The following SIGLEC6 variants were observed in gnomAD, a reference collection of about 807,000 sequenced individuals.
The protein encoded by SIGLEC6 is sialic acid binding Ig like lectin 6, also known as sialic acid-binding Ig-like lectin 6.
Under a neutral mutation model 41.4 loss-of-function variants are expected in SIGLEC6, and 31 were observed. The observed-to-expected ratio is 0.75, with a 90% confidence interval of 0.56 to 1.01. SIGLEC6 has a LOEUF of 1.01. SIGLEC6 is among the 50% of genes least tolerant of loss of function. The pLI is 0.00. For missense variants in SIGLEC6, 555 were observed against 558.6 expected (o/e 0.99, Z 0.06); for synonymous variants, 217 against 231.0 (o/e 0.94, Z 0.55).
Position 51,530,680 on chromosome 19 carries a change from C to A in SIGLEC6, c.706+1G>T, listed in dbSNP as rs1416312641. 6.2e-7 allele frequency: 1 copy of A among 1,613,454 alleles called. No individual in the cohort carries two copies. The highest frequency in any genetic ancestry group is 1.1e-5 in the South Asian group (1 of 91,046). On this transcript the variant is annotated splice_donor_variant, in intron 3 of 7. Coordinates refer to ENST00000425629, the MANE Select transcript of SIGLEC6 (RefSeq NM_001245.7). LOFTEE classifies it high-confidence loss of function. ...CCCGGGCGTCCTGGCCCAGCACTCACAGGAGACATTGAGCTGGATGGTTCT... is the reference window on the plus strand; with the variant it reads ...CCCGGGCGTCCTGGCCCAGCACTCAAAGGAGACATTGAGCTGGATGGTTCT...
At chr19:51,526,223 G>A (rs8101887) in intron 7 of SIGLEC6, among the ~76,000 whole-genome samples, 100,983 of 151,942 alleles carry the variant, frequency 0.66, 33,795 homozygotes, top group Admixed American at 0.72. Context: ...GGCTCACCAC[G>A]GGGCTGTAGT....
rs534259679 is a variant in SIGLEC6, at chr19:51,518,501, G to A, written c.*1581C>T. ...GATTACAGGCAAGTGCCACCACACC[G>A]AGCTAATTTTTGTATTTTAGTAGAG... On this transcript the variant is annotated 3_prime_UTR_variant, in exon 8 of 8. Transcript: ENST00000425629. Among the ~76,000 whole-genome samples the A allele has an allele frequency of 2.0e-4, 30 of 152,092 alleles. No individual in the cohort carries two copies. The highest frequency in any genetic ancestry group is 8.3e-4 in the South Asian group (4 of 4,812).
rs10651662 is a variant in SIGLEC6 at position 51,519,296 on chromosome 19, G to GAAA, written c.*783_*785dup. ...GGAGATACAGCAAGACTCCATCTCA[G>GAAA]AAAAAAAAAAAAAAAAAAAAAGCTA... On this transcript the variant is annotated 3_prime_UTR_variant, in exon 8 of 8. Coordinates refer to ENST00000425629, the MANE Select transcript of SIGLEC6 (RefSeq NM_001245.7). Among the ~76,000 whole-genome samples the GAAA allele has an allele frequency of 0.52, 47,070 of 90,430 alleles. 13,048 individuals are homozygous for GAAA. The highest frequency in any genetic ancestry group is 0.56 in the Non-Finnish European group (28,515 of 50,764). 59.3% of individuals were successfully genotyped at this position (90,430 alleles called of 152,430 possible).
At chr19:51,528,036 C>T (rs1979528611) in intron 6 of SIGLEC6, 124 bp downstream of exon 6, 1 of 959,714 alleles carries the variant, frequency 1.0e-6, no homozygotes, top group East Asian at 2.6e-5. Flanking sequence ...CACTACCCTC[C>T]CTTTCCTCAC....
chr19:51,531,058 T>A (rs1481666303), intron 2 of SIGLEC6, 99 bp from the exon 3 acceptor site: 3 of 1,567,492 alleles, frequency 1.9e-6, no homozygotes, highest in Non-Finnish European at 8.6e-7. Flanking sequence ...GAGCCCAACA[T>A]GCTTAATTGT....
rs1477137845 is a variant in SIGLEC6 at position 51,519,236 on chromosome 19, A to C, written c.*846T>G. On this transcript the variant is annotated 3_prime_UTR_variant, in exon 8 of 8. Transcript: ENST00000425629. ...TGTGAACCCAGGGGGCGAAGCTTGCACTGAGCCAAGATCGCACCACTGCAC... is the reference window on the plus strand; with the variant it reads ...TGTGAACCCAGGGGGCGAAGCTTGCCCTGAGCCAAGATCGCACCACTGCAC... Among the ~76,000 whole-genome samples, 1 of 142,072 alleles carries C rather than the reference A, an allele frequency of 7.0e-6. No individual in the cohort carries two copies. The highest frequency in any genetic ancestry group is 7.8e-5 in the Admixed American group (1 of 12,772). The allele number at this position is 142,072 out of a possible 152,430, so 93.2% of individuals were successfully genotyped here.
At position 51,529,709 on chromosome 19, in the gene SIGLEC6, T is replaced by TG; in HGVS notation, c.1012+14_1012+15insC. 1 of 1,613,566 alleles carries TG rather than the reference T, an allele frequency of 6.2e-7. No individual in the cohort carries two copies. Among genetic ancestry groups the TG allele is most frequent in the Non-Finnish European group, 8.5e-7 (1 of 1,179,812 alleles). On this transcript the variant is annotated intron_variant, in intron 5 of 7. Transcript: ENST00000425629. ...CCAGCTGCCCACACTCTCGCGCACC[T>TG]CCCCCCACACTCACAATGCACAAAG...
rs1318697102 is a variant in SIGLEC6, at chr19:51,519,546, C to G, written c.*536G>C. 1 of 152,192 alleles carries G rather than the reference C, an allele frequency of 6.6e-6. No homozygotes were observed. The highest frequency in any genetic ancestry group is 2.4e-5 in the African/African-American group (1 of 41,456). The allele number at this position is 152,192 out of a possible 1,614,324, so 9.4% of individuals were successfully genotyped here. ...AATAGCTGGCATAGATGGAGTTGAA[C>G]TCAGTTCTCTTGGACAGAAGTCCTG... On this transcript the variant is annotated 3_prime_UTR_variant, in exon 8 of 8. Transcript: ENST00000425629.
chr19:51,525,180 T>A lies in SIGLEC6; in HGVS notation c.1188+2567A>T, dbSNP rs376163976. Among the ~76,000 whole-genome samples, 32 of 152,258 alleles carry A rather than the reference T, an allele frequency of 2.1e-4. No individual in the cohort carries two copies. The South Asian group carries it at 5.8e-3, about 28-fold the overall frequency. ...GAGCTGACAGATTGCATACCTCACCTCTGCTACAGCTCGCCAGAGAAAGCC... is the reference window on the plus strand; with the variant it reads ...GAGCTGACAGATTGCATACCTCACCACTGCTACAGCTCGCCAGAGAAAGCC... On this transcript the variant is annotated intron_variant, in intron 7 of 7. Coordinates refer to ENST00000425629, the MANE Select transcript of SIGLEC6 (RefSeq NM_001245.7).
intron 4 of SIGLEC6, 30 bp from the exon 5 acceptor site, chr19:51,530,011 G>T (rs762326367): frequency 8.4e-6 from 13 of 1,553,188 alleles, no homozygotes. Context: ...GAGAGTTAGA[G>T]ATGGGGTATA....
In SIGLEC6 at chr19:51,530,599, G is replaced by C. The variant is rs116716902; in HGVS notation, c.706+82C>G. On this transcript the variant is annotated intron_variant, in intron 3 of 7. Transcript: ENST00000425629. The stretch of plus-strand genomic sequence containing the variant: ...AGGGGCTCTCCTCTTTGGCAACCAG[G>C]TCCCCAACTTTAAGCTCTGGCTCAG... 1,316 of 1,606,132 alleles carry C rather than the reference G, an allele frequency of 8.2e-4. 4 individuals carry two copies. In the African/African-American group the frequency reaches 0.014, roughly 16 times the overall value.
chr19:51,530,290 G>A (rs1980039526), intron 4 of SIGLEC6, 147 bp downstream of exon 4: 1 of 764,966 alleles, frequency 1.3e-6, no homozygotes, highest in Admixed American at 2.9e-5. Flanking sequence ...CTGCCGAAGA[G>A]GCGACAAAGG....
At chr19:51,523,059 G>C (rs918457423) in intron 7 of SIGLEC6, among the ~76,000 whole-genome samples, 1 of 151,976 alleles carries the variant, frequency 6.6e-6, no homozygotes. Context: ...AGGATCACTT[G>C]AGCCTAGGAG....
chr19:51,524,060 A>G lies in SIGLEC6; in HGVS notation c.1188+3687T>C, dbSNP rs189411642. ...TAGTAATATTTTAAAACTATCAAAA[A>G]GGCAAAAAAGGGAGATAAATATAAA... On this transcript the variant is annotated intron_variant, in intron 7 of 7. Transcript: ENST00000425629. 3.3e-3 allele frequency among the ~76,000 whole-genome samples: 499 copies of G among 152,346 alleles called. 1 individual carries two copies. The highest frequency in any genetic ancestry group is 0.012 in the African/African-American group (486 of 41,586).
At chr19:51,523,078 T>C (rs1237338186) in intron 7 of SIGLEC6, among the ~76,000 whole-genome samples, 1 of 151,932 alleles carries the variant, frequency 6.6e-6, no homozygotes, top group East Asian at 1.9e-4. Flanking sequence ...AGGTCGAAAC[T>C]GCAGTGAGCC....
At position 51,531,319 on chromosome 19, in the gene SIGLEC6, G is replaced by A. The variant is rs1027571676; in HGVS notation, c.268C>T (p.Arg90Trp). ...DPDEEVQEET[R>W]GRFHLLWDPR... ...TCCCAGAGGAGGTGGAATCGGCCCC[G>A]GGTCTCCTCCTGCACTTCTTCGTCT... Residue 90 changes from arginine (R) to tryptophan (W), a missense_variant, in exon 2 of 8, where the codon CGG (arginine) becomes TGG (tryptophan). Coordinates refer to ENST00000425629, the MANE Select transcript of SIGLEC6 (RefSeq NM_001245.7). The A allele has an allele frequency of 3.1e-6, 5 of 1,614,028 alleles. No individual in the cohort carries two copies. The highest frequency in any genetic ancestry group is 1.1e-5 in the South Asian group (1 of 91,088).
chr19:51,530,214 G>A (rs1388380027), intron 4 of SIGLEC6, among the ~76,000 whole-genome samples: 5 of 152,198 alleles, frequency 3.3e-5, no homozygotes, highest in East Asian at 3.9e-4. Context: ...CCTGGACCAT[G>A]GAGACGCCTG....
At chr19:51,520,786 G>T (rs1002616092) in intron 7 of SIGLEC6, among the ~76,000 whole-genome samples, 7 of 152,170 alleles carry the variant, frequency 4.6e-5, no homozygotes, top group Admixed American at 6.5e-5. Context: ...TGGATTCCAT[G>T]ATTACATTCA....
intron 7 of SIGLEC6, among the ~76,000 whole-genome samples, chr19:51,522,854 G>A (rs1433859209): frequency 6.6e-6 from 1 of 151,970 alleles, no homozygotes; most frequent in African/African-American, 2.4e-5. Flanking sequence ...TAAAGAACTG[G>A]GCTGGGTGTG....
Sources: allele counts gnomAD v4.1 joint callset (sites outside exome capture counted in the v4.1 genomes callset), GRCh38; gene constraint gnomAD v4.1.1; transcripts MANE v1.5; gene names NCBI Gene and HGNC (gene_info 2026-07-23, HGNC 2026-07-21).